Variants in COL4A1 observed in about 807,000 individuals in gnomAD.
COL4A1 encodes collagen alpha-1(IV) chain.
In COL4A1, 40 loss-of-function variants were observed where a neutral mutation model predicts 216.6. The observed-to-expected ratio is 0.18, with a 90% CI of 0.14 to 0.24. COL4A1 has a LOEUF of 0.24. Ranked by LOEUF, COL4A1 falls within the 10% of genes least tolerant of loss-of-function variation. The probability of loss-of-function intolerance (pLI) is 1.00; values close to 1 mark genes in which losing one functional copy is unlikely to be tolerated. For synonymous variants in COL4A1, 839 were observed against 810.7 expected (o/e 1.03, Z -0.59); for missense variants, 1,628 against 2,196.8 (o/e 0.74, Z 5.18).
chr13:110,174,861 A>T, intron 37 of COL4A1, 112 bp from the exon 38 acceptor site: 2 of 1,067,940 alleles, frequency 1.9e-6, no homozygotes, highest in Non-Finnish European at 2.9e-6. Flanking sequence ...GCATTGCAAA[A>T]CTCCATTTCC....
At chr13:110,219,122 C>T (rs1880248142) in intron 2 of COL4A1, among the ~76,000 whole-genome samples, 1 of 152,110 alleles carries the variant, frequency 6.6e-6, no homozygotes, top group Non-Finnish European at 1.5e-5. Context: ...GAGGCCCCGC[C>T]GGGAGCTCCC....
intron 1 of COL4A1, among the ~76,000 whole-genome samples, chr13:110,282,117 T>C (rs1883656128): frequency 6.6e-6 from 1 of 152,234 alleles, no homozygotes; most frequent in Admixed American, 6.5e-5. Context: ...ATAAAACTTT[T>C]ACAATTTGAC....
intron 36 of COL4A1, 24 bp downstream of exon 36, chr13:110,176,400 A>G: frequency 1.3e-6 from 2 of 1,524,908 alleles, no homozygotes. Context: ...CATGCTAAAG[A>G]ATCCTCTTCT....
chr13:110,187,461 T>C, intron 24 of COL4A1, 132 bp from the exon 25 acceptor site: 4 of 1,031,600 alleles, frequency 3.9e-6, no homozygotes, highest in Non-Finnish European at 5.8e-6. Context: ...GCCTCATCAT[T>C]GATTTTCTAG....
At chr13:110,261,899 T>C (rs181862304) in intron 1 of COL4A1, among the ~76,000 whole-genome samples, 37 of 152,206 alleles carry the variant, frequency 2.4e-4, no homozygotes, top group Admixed American at 2.1e-3. Context: ...TGACAGTGAG[T>C]GACTCATTTC....
chr13:110,169,010 C>A (rs1176830451), intron 43 of COL4A1, among the ~76,000 whole-genome samples: 2 of 151,070 alleles, frequency 1.3e-5, no homozygotes, highest in African/African-American at 4.9e-5. Flanking sequence ...CTAAGAAGGG[C>A]TATATATTCA....
intron 2 of COL4A1, among the ~76,000 whole-genome samples, chr13:110,216,878 C>T (rs1880111402): frequency 6.6e-6 from 1 of 152,130 alleles, no homozygotes; most frequent in African/African-American, 2.4e-5. Context: ...ACTGGGTGAC[C>T]CCTCGTGCTG....
chr13:110,234,750 C>T (rs886837516), intron 2 of COL4A1, among the ~76,000 whole-genome samples: 15 of 152,298 alleles, frequency 9.8e-5, no homozygotes, highest in African/African-American at 2.9e-4. Flanking sequence ...TTTCCCCAAA[C>T]GCCTGTGTCC....
intron 40 of COL4A1, 22 bp from the exon 41 acceptor site, chr13:110,172,792 C>T (rs1566348610): frequency 6.2e-7 from 1 of 1,608,974 alleles, no homozygotes; most frequent in South Asian, 1.1e-5. Context: ...GGGTAAAATG[C>T]CACGTTTCTC....
rs544272802 is a variant in COL4A1 at position 110,301,823 on chromosome 13, G to C, written c.84+5121C>G. ...CGTATGTCGAGGAGTAGCAAGGAAC[G>C]AGGCCAGAAAAATTTGACAGATCCG... On this transcript the variant is annotated intron_variant, in intron 1 of 51. Coordinates refer to ENST00000375820, the MANE Select transcript of COL4A1 (RefSeq NM_001845.6). Among the ~76,000 whole-genome samples, 11 of 152,278 alleles carry C rather than the reference G, an allele frequency of 7.2e-5. No homozygotes were observed. In the South Asian group the frequency reaches 2.3e-3, roughly 32 times the overall value.
intron 41 of COL4A1, 100 bp from the exon 42 acceptor site, chr13:110,170,832 T>A: frequency 7.8e-7 from 1 of 1,284,994 alleles, no homozygotes; most frequent in Non-Finnish European, 1.1e-6. Flanking sequence ...CCTCATCCTG[T>A]AGGTACCGCT....
rs751179885 is a variant in COL4A1 at position 110,150,435 on chromosome 13, C to A, written c.4938G>T (p.Thr1646=). The A allele has an allele frequency of 6.2e-7, 1 of 1,613,968 alleles. No homozygotes were observed. ...IERSEMFKKP[T]PSTLKAGELR... ...GCTCCCCTGCCTTCAAGGTGGACGG[C>A]GTAGGCTTCCTAAAACACGACACAG... Residue 1646 remains threonine (T), a synonymous_variant, in exon 52 of 52, where the codon ACG becomes ACT. Transcript: ENST00000375820.
chr13:110,258,985 G>A (rs545623297), intron 1 of COL4A1, among the ~76,000 whole-genome samples: 2 of 152,344 alleles, frequency 1.3e-5, no homozygotes, highest in East Asian at 1.9e-4. Flanking sequence ...ATTCACCGGC[G>A]ATCCTGAGCA....
At chr13:110,205,289 TA>T (rs955147301) in intron 17 of COL4A1, 63 bp downstream of exon 17, 1 of 1,592,568 alleles carries the variant, frequency 6.3e-7, no homozygotes, top group Non-Finnish European at 8.6e-7. Context: ...TAGGAAAGAA[TA>T]AACAGACTTC....
chr13:110,201,553 G>A (rs779055217), intron 18 of COL4A1, 31 bp from the exon 19 acceptor site: 22 of 1,584,264 alleles, frequency 1.4e-5, no homozygotes, highest in South Asian at 5.5e-5. Flanking sequence ...TGATCATCCC[G>A]TGGCATGGGA....
chr13:110,207,507 TA>T lies in COL4A1; in HGVS notation c.694-19del, dbSNP rs1879572192. ...TGGTCACCCTGTCGACATAAAAATG[TA>T]AAATTAATTAGGCATGAAAACAATT... On this transcript the variant is annotated intron_variant, in intron 12 of 51. Transcript: ENST00000375820. This position sits in a 1 kb window ranked among gnomAD's most constrained non-coding sequence, Gnocchi z 4.4. The T allele has an allele frequency of 6.2e-7, 1 of 1,601,416 alleles. No homozygotes were observed.
chr13:110,174,132 G>T, intron 39 of COL4A1, 134 bp from the exon 40 acceptor site: 2 of 1,010,424 alleles, frequency 2.0e-6, no homozygotes, highest in Non-Finnish European at 3.0e-6. Flanking sequence ...CCTGAGGTCA[G>T]TTCTGACTTC....
intron 24 of COL4A1, among the ~76,000 whole-genome samples, chr13:110,187,689 G>T (rs896056605): frequency 4.6e-5 from 7 of 152,162 alleles, no homozygotes; most frequent in African/African-American, 1.7e-4. Context: ...AGAAGGTTCT[G>T]ATTGATGTGT....
chr13:110,234,746 C>A (rs1236038767), intron 2 of COL4A1, among the ~76,000 whole-genome samples: 1 of 152,126 alleles, frequency 6.6e-6, no homozygotes, highest in Non-Finnish European at 1.5e-5. Context: ...CAGTTTTCCC[C>A]AAACGCCTGT....
Sources: gnomAD v4.1 joint callset for allele counts (sites outside exome capture counted in the v4.1 genomes callset) on GRCh38, gnomAD v4.1.1 for gene constraint, Gnocchi (gnomAD v3.1) non-coding constraint, MANE v1.5 for transcripts, NCBI Gene and HGNC (gene_info 2026-07-23, HGNC 2026-07-21) for gene names.